ZNF558: variants seen among roughly 807,000 people sequenced by gnomAD.
ZNF558 encodes the protein zinc finger protein 558.
ZNF558 carries 23 observed loss-of-function variants against 37.6 expected under a neutral mutation model. The ratio of observed to expected loss-of-function variants is 0.61; its 90% CI spans 0.44 to 0.87. The LOEUF is 0.87. ZNF558 is among the 40% of genes least tolerant of loss of function. The pLI is 0.00. For synonymous variants in ZNF558, 189 were observed against 174.4 expected, an observed-to-expected ratio of 1.08 and a Z score of -0.66; for missense variants, 429 against 483.7, an observed-to-expected ratio of 0.89 and a Z score of 1.06.
upstream of ZNF558, among the ~76,000 whole-genome samples, chr19:8,836,649 G>A (rs780008865): frequency 3.9e-5 from 6 of 151,928 alleles, no homozygotes; most frequent in African/African-American, 7.3e-5. Flanking sequence ...GCACCACCAC[G>A]CCCAGCTAGT....
upstream of ZNF558, among the ~76,000 whole-genome samples, chr19:8,834,039 G>A (rs1261055092): frequency 6.6e-6 from 1 of 151,984 alleles, no homozygotes; most frequent in Non-Finnish European, 1.5e-5. Context: ...AAAGATACTG[G>A]TAAGTGCAAA....
chr19:8,838,132 C>T, the ZNF558 span, among the ~76,000 whole-genome samples: 3 of 151,600 alleles, frequency 2.0e-5, no homozygotes, highest in Middle Eastern at 3.2e-3. Context: ...CCTGTAGTCC[C>T]AGCTACTCAG....
rs1220491867 is a variant in ZNF558, at chr19:8,822,108, G to A, written c.32-17C>T. The stretch of plus-strand genomic sequence containing the variant: ...AAGACGGAGCTGGAGGAGGAGAAAT[G>A]AGTCCCATGGATTCAGGCTTGTCTG... On this transcript the variant is annotated splice_polypyrimidine_tract_variant and intron_variant, in intron 5 of 9. Coordinates refer to ENST00000601372, the MANE Select transcript of ZNF558 (RefSeq NM_144693.3). This position sits in a 1 kb window ranked among gnomAD's most constrained non-coding sequence, Gnocchi z 4.4. The A allele has an allele frequency of 1.9e-6, 3 of 1,613,606 alleles. No homozygotes were observed. Among genetic ancestry groups the A allele is most frequent in the Admixed American group, 1.7e-5 (1 of 59,968 alleles).
intron 7 of ZNF558, among the ~76,000 whole-genome samples, chr19:8,820,492 G>T (rs148805483): frequency 0.012 from 1,864 of 151,814 alleles, 31 homozygotes; most frequent in African/African-American, 0.043. Context: ...TTTTTGTTTT[G>T]TTTTTTTTGA....
Position 8,812,576 on chromosome 19 carries a change from A to T in ZNF558, c.411T>A (p.Ser137=), listed in dbSNP as rs782009779. The change falls in exon 9 of 10, where the codon TCT becomes TCA. Residue 137 remains serine, a synonymous_variant. Coordinates refer to ENST00000601372, the MANE Select transcript of ZNF558 (RefSeq NM_144693.3). ...PKKNVFRKEQ[S]KGVKTERSHR... Reference sequence around the variant, plus strand: ...TTAGTCTTACCGTTTTTACACCTTTAGACTGTTCTTTTCTGAAAACATTCT... The same window carrying T: ...TTAGTCTTACCGTTTTTACACCTTTTGACTGTTCTTTTCTGAAAACATTCT... The T allele has an allele frequency of 1.7e-5, 28 of 1,603,522 alleles. No individual in the cohort carries two copies. Among genetic ancestry groups the T allele is most frequent in the Non-Finnish European group, 2.1e-5 (25 of 1,177,278 alleles).
upstream of ZNF558, among the ~76,000 whole-genome samples, chr19:8,836,562 G>C: frequency 6.6e-6 from 1 of 151,900 alleles, no homozygotes; most frequent in African/African-American, 2.4e-5. Flanking sequence ...TGCAAACATG[G>C]CTCATTGCAG....
In ZNF558 at chr19:8,822,592, G is replaced by C. The variant is rs755300812; in HGVS notation, c.31+37C>G. The C allele has an allele frequency of 3.7e-6, 6 of 1,613,912 alleles. No individual in the cohort carries two copies. In the Admixed American group the frequency reaches 6.7e-5, roughly 18 times the overall value. On this transcript the variant is annotated intron_variant, in intron 5 of 9. Coordinates refer to ENST00000601372, the MANE Select transcript of ZNF558 (RefSeq NM_144693.3). This position sits in a 1 kb window ranked among gnomAD's most constrained non-coding sequence, Gnocchi z 4.4. The stretch of plus-strand genomic sequence containing the variant: ...ATGCTGTGGGTCAGAACCTTTCAAG[G>C]CTGGACTCTGAGAAATGTCAGGACC...
intron 1 of ZNF558, among the ~76,000 whole-genome samples, chr19:8,831,882 T>C (rs1218380842): frequency 6.6e-6 from 1 of 152,158 alleles, no homozygotes; most frequent in Non-Finnish European, 1.5e-5. Context: ...AGCGTCCCTC[T>C]TCCCCGGCCT....
chr19:8,813,345 G>A lies in ZNF558; in HGVS notation c.248-123C>T, dbSNP rs937741306. 14 of 714,994 alleles carry A rather than the reference G, an allele frequency of 2.0e-5. No individual in the cohort carries two copies. In the South Asian group the frequency reaches 2.2e-4, roughly 11 times the overall value. 44.3% of individuals were successfully genotyped at this position (714,994 alleles called of 1,614,324 possible). On this transcript the variant is annotated intron_variant, in intron 7 of 9. Coordinates refer to ENST00000601372, the MANE Select transcript of ZNF558 (RefSeq NM_144693.3). ...CTTTAGGAGCAGTGAAATAAATTAT[G>A]CCTTAATTCTTTTCTTTTTTTTATT...
rs782592800 is a variant in ZNF558, at chr19:8,811,848, C to T, written c.642G>A (p.Gly214=). ...GEKPYECNHC[G]KAFSDPSSLR... ...GGGATGAGGGATCACTAAATGCTTT[C>T]CCACAGTGATTGCATTCATAGGGTT... The change falls in exon 10 of 10, where the codon GGG becomes GGA. Residue 214 remains glycine, a synonymous_variant. Coordinates refer to ENST00000601372, the MANE Select transcript of ZNF558 (RefSeq NM_144693.3). 4.3e-6 allele frequency: 7 copies of T among 1,614,070 alleles called. No individual in the cohort carries two copies. In the South Asian group the frequency reaches 5.5e-5, roughly 13 times the overall value.
chr19:8,821,345 C>A (rs368433176), intron 6 of ZNF558, 39 bp from the exon 7 acceptor site: 1 of 1,614,134 alleles, frequency 6.2e-7, no homozygotes, highest in South Asian at 1.1e-5. Flanking sequence ...CCAAGGACCA[C>A]CCCCACCAAC....
chr19:8,822,887 C>A lies in ZNF558; in HGVS notation c.-65-163G>T. 1 of 644,072 alleles carries A rather than the reference C, an allele frequency of 1.6e-6. No homozygotes were observed. 39.9% of individuals were successfully genotyped at this position (644,072 alleles called of 1,614,324 possible). On this transcript the variant is annotated intron_variant, in intron 4 of 9. Coordinates refer to ENST00000601372, the MANE Select transcript of ZNF558 (RefSeq NM_144693.3). The surrounding 1 kb of genome is among the most constrained non-coding windows in gnomAD (Gnocchi z 4.4). Reference sequence around the variant, plus strand: ...GAGCAGGCAATGAATTCAGGGCCACCTGATGGAAAACTTGCCTTCCTCTGT... The same window carrying A: ...GAGCAGGCAATGAATTCAGGGCCACATGATGGAAAACTTGCCTTCCTCTGT...
intron 3 of ZNF558, 113 bp downstream of exon 3, chr19:8,824,889 C>G (rs1016587348): frequency 6.6e-6 from 1 of 152,540 alleles, no homozygotes; most frequent in African/African-American, 2.4e-5. Flanking sequence ...CCCATCCCAG[C>G]CACAGCTCTT....
chr19:8,817,943 C>A (rs2043981351), intron 7 of ZNF558, among the ~76,000 whole-genome samples: 1 of 151,958 alleles, frequency 6.6e-6, no homozygotes. Context: ...ATTAGAAGAT[C>A]AAAAAGGAAA....
At position 8,807,196 on chromosome 19, in the gene ZNF558, T is replaced by A. The variant is rs1221445170; in HGVS notation, c.*4085A>T. On this transcript the variant is annotated 3_prime_UTR_variant, in exon 10 of 10. Coordinates refer to ENST00000601372, the MANE Select transcript of ZNF558 (RefSeq NM_144693.3). ...GGATGCTATCGCTGACTGACCTCTC[T>A]CAGCTCCTGGAATGCAGCCCTCTCC... is the stretch of plus-strand genomic sequence containing the variant. 3 of 152,342 alleles carry A rather than the reference T, an allele frequency of 2.0e-5. No individual in the cohort carries two copies. The highest frequency in any genetic ancestry group is 4.4e-5 in the Non-Finnish European group (3 of 68,154). The allele number at this position is 152,342 out of a possible 1,614,324, so 9.4% of individuals were successfully genotyped here.
intron 7 of ZNF558, among the ~76,000 whole-genome samples, chr19:8,814,416 C>T (rs1555769577): frequency 6.6e-6 from 1 of 152,062 alleles, no homozygotes; most frequent in Non-Finnish European, 1.5e-5. Context: ...ATGTATTAGT[C>T]AGTACTGCTT....
chr19:8,813,441 C>A (rs577683036), intron 7 of ZNF558, among the ~76,000 whole-genome samples: 1 of 152,132 alleles, frequency 6.6e-6, no homozygotes, highest in Non-Finnish European at 1.5e-5. Flanking sequence ...TCACTGCAAC[C>A]TCTGCCTTCC....
In ZNF558 at chr19:8,811,921, C is replaced by T. The variant is rs1362735250; in HGVS notation, c.569G>A (p.Ser190Asn). Residue 190 changes from serine to asparagine, a missense_variant, in exon 10 of 10, where the codon AGT (serine) becomes AAT (asparagine). By Grantham distance (46) the Ser-to-Asn change is conservative (BLOSUM62 1). Transcript: ENST00000601372. ...ATGAATAGTAAGGTAAGATCTGCTA[C>T]TGAAGGACTTCCCACATTGACTACA... ...YDCSQCGKSF[S>N]SRSYLTIHKR... 1.2e-6 allele frequency: 2 copies of T among 1,614,104 alleles called. No homozygotes were observed. Among genetic ancestry groups the T allele is most frequent in the East Asian group, 2.2e-5 (1 of 44,874 alleles).
chr19:8,820,767 C>T lies in ZNF558; in HGVS notation c.247+413G>A, dbSNP rs549202887. 3.3e-5 allele frequency among the ~76,000 whole-genome samples: 5 copies of T among 152,314 alleles called. No individual in the cohort carries two copies. In the South Asian group the frequency reaches 1.0e-3, roughly 32 times the overall value. Reference sequence around the variant, plus strand: ...CTGGGATTACAGGTGTGAGCCACCACACCTGGCCCATAGCTAAGTTTTTAA... The same window carrying T: ...CTGGGATTACAGGTGTGAGCCACCATACCTGGCCCATAGCTAAGTTTTTAA... On this transcript the variant is annotated intron_variant, in intron 7 of 9. Coordinates refer to ENST00000601372, the MANE Select transcript of ZNF558 (RefSeq NM_144693.3).
Sources: allele counts gnomAD v4.1 joint callset (sites outside exome capture counted in the v4.1 genomes callset), GRCh38; gene constraint gnomAD v4.1.1; non-coding constraint Gnocchi (gnomAD v3.1); transcripts MANE v1.5; gene names NCBI Gene and HGNC (gene_info 2026-07-23, HGNC 2026-07-21).